NALCN: variants seen among roughly 807,000 people sequenced by gnomAD.
The protein encoded by NALCN is sodium leak channel NALCN.
Under a neutral mutation model 225.3 loss-of-function variants are expected in NALCN, and 111 were observed. That is an observed-to-expected ratio of 0.49 (90% CI 0.42 to 0.58). The LOEUF is 0.58. Ranked by LOEUF, NALCN falls within the 20% of genes least tolerant of loss-of-function variation. NALCN has a pLI of 0.00. For missense variants in NALCN, 1,378 were observed against 2,202.4 expected (o/e 0.63, Z 7.49); for synonymous variants, 764 against 769.0 (o/e 0.99, Z 0.11).
chr13:101,394,109 G>T (rs2047218320), intron 3 of NALCN, among the ~76,000 whole-genome samples: 1 of 152,276 alleles, frequency 6.6e-6, no homozygotes, highest in Admixed American at 6.5e-5. Context: ...AAATGAAACA[G>T]AATTGGCTAA....
chr13:101,249,170 T>G (rs993530622), intron 11 of NALCN, among the ~76,000 whole-genome samples: 1 of 152,156 alleles, frequency 6.6e-6, no homozygotes, highest in Non-Finnish European at 1.5e-5. Flanking sequence ...ATAGAGATTA[T>G]AAAAATCCTG....
At chr13:101,335,909 C>T (rs1386024824) in intron 7 of NALCN, among the ~76,000 whole-genome samples, 2 of 152,022 alleles carry the variant, frequency 1.3e-5, no homozygotes, top group African/African-American at 2.4e-5. Context: ...GCTTTAATAT[C>T]ATTTAACTCT....
chr13:101,223,290 A>C (rs561210782), intron 13 of NALCN, among the ~76,000 whole-genome samples: 42 of 151,914 alleles, frequency 2.8e-4, no homozygotes, highest in African/African-American at 1.0e-3. Flanking sequence ...AACACTAGAC[A>C]CTCTTCTTTC....
intron 14 of NALCN, among the ~76,000 whole-genome samples, chr13:101,191,289 T>A (rs1215575500): frequency 1.3e-5 from 2 of 152,062 alleles, no homozygotes; most frequent in East Asian, 3.8e-4. Context: ...TTCATAACAT[T>A]TTTTCTTTGT....
At chr13:101,319,630 GT>G (rs1260054257) in intron 7 of NALCN, among the ~76,000 whole-genome samples, 1 of 152,000 alleles carries the variant, frequency 6.6e-6, no homozygotes, top group African/African-American at 2.4e-5. Flanking sequence ...TGAAATGCAT[GT>G]GTTTTACCTT....
At position 101,292,454 on chromosome 13, in the gene NALCN, T is replaced by C. The variant is rs1194943849; in HGVS notation, c.800-88A>G. The C allele has an allele frequency of 2.2e-6, 3 of 1,368,882 alleles. No homozygotes were observed. Among genetic ancestry groups the C allele is most frequent in the South Asian group, 1.5e-5 (1 of 66,060 alleles). 84.8% of individuals were successfully genotyped at this position (1,368,882 alleles called of 1,614,324 possible). A position where few individuals can be genotyped will look rare whatever the true frequency, so the allele number is the denominator to read the frequency against. On this transcript the variant is annotated intron_variant, in intron 7 of 43. Coordinates refer to ENST00000251127, the MANE Select transcript of NALCN (RefSeq NM_052867.4). The surrounding 1 kb of genome is among the most constrained non-coding windows in gnomAD (Gnocchi z 4.3). ...CAGAAAAACAATCAATATTTATCCATACTTATTTTCTCAATGACAAAAGTG... is the reference window on the plus strand; with the variant it reads ...CAGAAAAACAATCAATATTTATCCACACTTATTTTCTCAATGACAAAAGTG...
At chr13:101,386,999 A>G (rs1054852955) in intron 3 of NALCN, among the ~76,000 whole-genome samples, 1 of 151,864 alleles carries the variant, frequency 6.6e-6, no homozygotes, top group Non-Finnish European at 1.5e-5. Context: ...AGGCGGGTGG[A>G]TCATGAGGTC....
At chr13:101,311,173 G>T (rs1343160615) in intron 7 of NALCN, among the ~76,000 whole-genome samples, 1 of 150,838 alleles carries the variant, frequency 6.6e-6, no homozygotes, top group African/African-American at 2.4e-5. Context: ...TCTGTTATTG[G>T]TGTATAAGAA....
chr13:101,340,345 T>A (rs573093446), intron 7 of NALCN, among the ~76,000 whole-genome samples: 19 of 152,128 alleles, frequency 1.2e-4, no homozygotes, highest in Non-Finnish European at 2.4e-4. Flanking sequence ...AAAACCTGCA[T>A]AGTTAATGTC....
rs534245606 is a variant in NALCN, at chr13:101,097,408, A to G, written c.3163-1728T>C. 4.6e-5 allele frequency among the ~76,000 whole-genome samples: 7 copies of G among 152,266 alleles called. No individual in the cohort carries two copies. The East Asian group carries it at 1.4e-3, about 29-fold the overall frequency. ...ACATTATTTGGAAAGGCTGTGTTGT[A>G]GTGTATTGTATAAAGGTCCCTTGAC... On this transcript the variant is annotated intron_variant, in intron 27 of 43. Transcript: ENST00000251127.
intron 14 of NALCN, among the ~76,000 whole-genome samples, chr13:101,184,132 T>C (rs913090340): frequency 5.9e-5 from 9 of 152,214 alleles, no homozygotes; most frequent in African/African-American, 2.2e-4. Flanking sequence ...AGAATAACAA[T>C]GTATTTCAGA....
chr13:101,056,939 G>C (rs1286001775), intron 43 of NALCN: 4 of 152,278 alleles, frequency 2.6e-5, no homozygotes, highest in Non-Finnish European at 2.9e-5. Flanking sequence ...TCTCTGCTGT[G>C]TTTGAATCAG....
At chr13:101,124,474 AG>A (rs2036133958) in intron 18 of NALCN, 133 bp downstream of exon 18, 1 of 757,612 alleles carries the variant, frequency 1.3e-6, no homozygotes, top group South Asian at 1.9e-5. Flanking sequence ...ATAAGTACAT[AG>A]ATACTCAAAG....
intron 7 of NALCN, among the ~76,000 whole-genome samples, chr13:101,338,003 C>T (rs1041518326): frequency 9.9e-5 from 15 of 152,154 alleles, no homozygotes; most frequent in African/African-American, 3.1e-4. Context: ...GGATGCAAAA[C>T]CTTTTCACTG....
intron 10 of NALCN, among the ~76,000 whole-genome samples, chr13:101,275,197 T>G (rs1170918842): frequency 6.6e-6 from 1 of 152,154 alleles, no homozygotes; most frequent in East Asian, 1.9e-4. Context: ...TCGTTAGGGC[T>G]TTTGATTGGG....
intron 10 of NALCN, among the ~76,000 whole-genome samples, chr13:101,274,067 C>G (rs2042895494): frequency 6.6e-6 from 1 of 152,204 alleles, no homozygotes. Flanking sequence ...AGCACCCTTA[C>G]ACGTTTCTAG....
intron 22 of NALCN, among the ~76,000 whole-genome samples, chr13:101,105,852 A>G (rs886910399): frequency 7.2e-5 from 11 of 152,148 alleles, no homozygotes; most frequent in African/African-American, 2.7e-4. Flanking sequence ...CTGCACGCTT[A>G]AATGTCCTCC....
chr13:101,264,426 G>C (rs2042531415), intron 10 of NALCN, among the ~76,000 whole-genome samples: 1 of 151,838 alleles, frequency 6.6e-6, no homozygotes, highest in Non-Finnish European at 1.5e-5. Flanking sequence ...AAAATACAAA[G>C]AGTCTATACT....
At chr13:101,056,322 A>G (rs1427986224) in intron 43 of NALCN, among the ~76,000 whole-genome samples, 1 of 133,680 alleles carries the variant, frequency 7.5e-6, no homozygotes, top group Admixed American at 9.0e-5. Context: ...GTGCAGCGGC[A>G]CAATCTTGGT....
Sources: allele counts gnomAD v4.1 joint callset (sites outside exome capture counted in the v4.1 genomes callset), GRCh38; gene constraint gnomAD v4.1.1; non-coding constraint Gnocchi (gnomAD v3.1); transcripts MANE v1.5; gene names NCBI Gene and HGNC (gene_info 2026-07-23, HGNC 2026-07-21).